CD59: variants seen among roughly 807,000 people sequenced by gnomAD.
CD59 encodes the protein CD59 glycoprotein.
A neutral mutation model predicts 7.0 loss-of-function variants in CD59; 3 were observed. That is an observed-to-expected ratio of 0.43 (90% CI 0.19 to 1.10). The LOEUF (loss-of-function observed/expected upper bound fraction) is 1.10. Ranked by LOEUF, CD59 falls within the 50% of genes least tolerant of loss-of-function variation. The pLI, the probability that CD59 is intolerant of heterozygous loss-of-function variation, is 0.29. For missense variants in CD59, 143 were observed against 151.0 expected, an observed-to-expected ratio of 0.95 and a Z score of 0.28; for synonymous variants, 60 against 62.0, an observed-to-expected ratio of 0.97 and a Z score of 0.15.
At chr11:33,714,560 T>A (rs1405168923) in intron 3 of CD59, among the ~76,000 whole-genome samples, 1 of 152,190 alleles carries the variant, frequency 6.6e-6, no homozygotes, top group African/African-American at 2.4e-5. Flanking sequence ...TTTTAAAAAA[T>A]CAACCCTAGT....
At chr11:33,714,237 G>A (rs946786252) in intron 3 of CD59, among the ~76,000 whole-genome samples, 4 of 152,214 alleles carry the variant, frequency 2.6e-5, no homozygotes, top group African/African-American at 9.7e-5. Flanking sequence ...TACACACTCA[G>A]GCTATGTGGT....
At chr11:33,720,720 C>T (rs1423311736) in intron 2 of CD59, among the ~76,000 whole-genome samples, 1 of 151,230 alleles carries the variant, frequency 6.6e-6, no homozygotes, top group East Asian at 1.9e-4. Flanking sequence ...CAGAGTGAGA[C>T]TCCATCCCCC....
chr11:33,709,844 G>A lies in CD59; in HGVS notation c.*282C>T. The stretch of plus-strand genomic sequence containing the variant: ...CAGAGAACCCACTCAAGCTGTCACT[G>A]CAAAGCTGGTCTTCCCAAGAGCAAA... On this transcript the variant is annotated 3_prime_UTR_variant, in exon 4 of 4. Transcript: ENST00000642928. 1.8e-6 allele frequency: 1 copy of A among 545,396 alleles called. No individual in the cohort carries two copies. The highest frequency in any genetic ancestry group is 3.3e-6 in the Non-Finnish European group (1 of 303,996). The allele number at this position is 545,396 out of a possible 1,614,324, so 33.8% of individuals were successfully genotyped here.
chr11:33,733,092 G>A (rs1370745994), intron 1 of CD59, among the ~76,000 whole-genome samples: 3 of 152,104 alleles, frequency 2.0e-5, no homozygotes, highest in Non-Finnish European at 2.9e-5. Context: ...CTGACACTCA[G>A]CAAAGAAACA....
intron 3 of CD59, among the ~76,000 whole-genome samples, chr11:33,711,729 C>T (rs530191367): frequency 4.6e-5 from 7 of 152,120 alleles, no homozygotes; most frequent in Non-Finnish European, 1.0e-4. Flanking sequence ...AAAGAAGATT[C>T]TCAAATGGCC....
At position 33,717,401 on chromosome 11, in the gene CD59, A is replaced by C; in HGVS notation, c.138T>G (p.Ser46=). 2.5e-6 allele frequency: 4 copies of C among 1,613,508 alleles called. No homozygotes were observed. Among genetic ancestry groups the C allele is most frequent in the Non-Finnish European group, 3.4e-6 (4 of 1,179,402 alleles). The change falls in exon 3 of 4, where the codon TCT becomes TCG. Residue 46 remains serine (S), a synonymous_variant. Coordinates refer to ENST00000642928, the MANE Select transcript of CD59 (RefSeq NM_000611.6). ...ADCKTAVNCS[S]DFDACLITKA... The stretch of plus-strand genomic sequence containing the variant: ...TGGTAATGAGACACGCATCAAAATC[A>C]GATGAACAATTGACGGCTGTTTTGC...
intron 2 of CD59, chr11:33,717,972 C>A (rs754792997): frequency 7.0e-5 from 13 of 186,942 alleles, no homozygotes; most frequent in Non-Finnish European, 1.0e-4. Flanking sequence ...TGATTTGATG[C>A]GAGGGAACAC....
At chr11:33,727,099 AGAG>A (rs1443546903) in intron 1 of CD59, among the ~76,000 whole-genome samples, 1 of 152,328 alleles carries the variant, frequency 6.6e-6, no homozygotes, top group Non-Finnish European at 1.5e-5. Context: ...AGAGGTACAA[AGAG>A]GAGCTGGTAC....
Position 33,722,387 on chromosome 11 carries a change from C to A in CD59, c.59G>T (p.Cys20Phe). The A allele has an allele frequency of 6.2e-7, 1 of 1,612,976 alleles. No homozygotes were observed. The highest frequency in any genetic ancestry group is 8.5e-7 in the Non-Finnish European group (1 of 1,178,956). ...GAGACTGGAGCACTCACCTGAATGG[C>A]AGAAGACAGCCAGGACGAGCAGCAG... ...FGLLLVLAVF[C>F]HSGHSLQCYN... Residue 20 changes from cysteine to phenylalanine, a missense_variant, in exon 2 of 4, where the codon TGC becomes TTC. Transcript: ENST00000642928.
chr11:33,726,623 G>A (rs942017300), intron 1 of CD59, among the ~76,000 whole-genome samples: 1 of 152,140 alleles, frequency 6.6e-6, no homozygotes, highest in African/African-American at 2.4e-5. Context: ...AAGAACTAGA[G>A]AAGCAAGAGC....
At chr11:33,733,513 G>C in intron 1 of CD59, 1 of 152,224 alleles carries the variant, frequency 6.6e-6, no homozygotes, top group East Asian at 1.9e-4. Flanking sequence ...CCAGCTACTT[G>C]AGAGGCTGAG....
At chr11:33,716,769 C>T (rs974061770) in intron 3 of CD59, among the ~76,000 whole-genome samples, 3 of 152,188 alleles carry the variant, frequency 2.0e-5, no homozygotes, top group Non-Finnish European at 2.9e-5. Context: ...GGCTACCGAG[C>T]CCTGGCACCT....
chr11:33,733,213 A>C (rs1433318538), intron 1 of CD59, among the ~76,000 whole-genome samples: 1 of 152,230 alleles, frequency 6.6e-6, no homozygotes, highest in Non-Finnish European at 1.5e-5. Context: ...TGCCACCTTG[A>C]TTACAGCCCT....
At position 33,736,130 on chromosome 11, in the gene CD59, G is replaced by A. The variant is rs1054458063; in HGVS notation, c.-19+252C>T. On this transcript the variant is annotated intron_variant, in intron 1 of 3. Coordinates refer to ENST00000642928, the MANE Select transcript of CD59 (RefSeq NM_000611.6). This position sits in a 1 kb window ranked among gnomAD's most constrained non-coding sequence, Gnocchi z 4.4. ...GAATGGGGGGCGCGACGGGGGTAAC[G>A]GGGCTGCTTCTGGGAGAGGGCGCGC... Among the ~76,000 whole-genome samples the A allele has an allele frequency of 1.4e-4, 21 of 152,110 alleles. No individual in the cohort carries two copies. The highest frequency in any genetic ancestry group is 2.8e-4 in the Non-Finnish European group (19 of 68,006).
In CD59 at chr11:33,707,697, A is replaced by C. The variant is rs1853369516; in HGVS notation, c.*2429T>G. The C allele has an allele frequency of 6.6e-6, 1 of 152,258 alleles. No homozygotes were observed. The highest frequency in any genetic ancestry group is 1.5e-5 in the Non-Finnish European group (1 of 68,048). 9.4% of individuals were successfully genotyped at this position (152,258 alleles called of 1,614,324 possible). ...TCATTTGGAACCAACTGAGACAGAC[A>C]CATGAATCCCTCTTCGTTGATCAGG... On this transcript the variant is annotated 3_prime_UTR_variant, in exon 4 of 4. Transcript: ENST00000642928.
intron 2 of CD59, among the ~76,000 whole-genome samples, chr11:33,721,836 A>C (rs3181284): frequency 0.025 from 3,796 of 152,332 alleles, 148 homozygotes; most frequent in African/African-American, 0.086. Flanking sequence ...TTGTAAAACA[A>C]GGATAAAAAT....
rs919484280 is a variant in CD59, at chr11:33,704,961, C to T, written c.*5165G>A. On this transcript the variant is annotated 3_prime_UTR_variant, in exon 4 of 4. Coordinates refer to ENST00000642928, the MANE Select transcript of CD59 (RefSeq NM_000611.6). ...GACTTGGGGGTGCAGGCATTCCCAT[C>T]TCCCTTTCAAAAAAGTTTCTAAAAA... is the stretch of plus-strand genomic sequence containing the variant. 6.6e-6 allele frequency: 1 copy of T among 152,388 alleles called. No homozygotes were observed. Among genetic ancestry groups the T allele is most frequent in the Non-Finnish European group, 1.5e-5 (1 of 68,038 alleles). The allele number at this position is 152,388 out of a possible 1,614,324, so 9.4% of individuals were successfully genotyped here.
chr11:33,728,371 T>C (rs966975777), intron 1 of CD59, among the ~76,000 whole-genome samples: 1 of 152,046 alleles, frequency 6.6e-6, no homozygotes, highest in Non-Finnish European at 1.5e-5. Context: ...ACACCACACA[T>C]CTACAACCAT....
At position 33,708,795 on chromosome 11, in the gene CD59, C is replaced by T. The variant is rs1853422108; in HGVS notation, c.*1331G>A. The T allele has an allele frequency of 6.6e-6, 1 of 152,156 alleles. No homozygotes were observed. The highest frequency in any genetic ancestry group is 2.4e-5 in the African/African-American group (1 of 41,440). 9.4% of individuals were successfully genotyped at this position (152,156 alleles called of 1,614,324 possible). ...GCTACCATTAAGCATACTGCATATCCTTTTCGGCCATAACCACATTCACCC... is the reference window on the plus strand; with the variant it reads ...GCTACCATTAAGCATACTGCATATCTTTTTCGGCCATAACCACATTCACCC... On this transcript the variant is annotated 3_prime_UTR_variant, in exon 4 of 4. Coordinates refer to ENST00000642928, the MANE Select transcript of CD59 (RefSeq NM_000611.6).
Sources: allele counts gnomAD v4.1 joint callset (sites outside exome capture counted in the v4.1 genomes callset), GRCh38; gene constraint gnomAD v4.1.1; non-coding constraint Gnocchi (gnomAD v3.1); transcripts MANE v1.5; gene names NCBI Gene and HGNC (gene_info 2026-07-23, HGNC 2026-07-21).